The following PDE1A variants were observed in gnomAD, a reference collection of about 807,000 sequenced individuals.
The protein encoded by PDE1A is dual specificity calcium/calmodulin-dependent 3',5'-cyclic nucleotide phosphodiesterase 1A.
A neutral mutation model predicts 61.7 loss-of-function variants in PDE1A; 35 were observed. That is an observed-to-expected ratio of 0.57 (90% CI 0.43 to 0.75). PDE1A has a LOEUF of 0.75. Ranked by LOEUF, PDE1A falls within the 30% of genes least tolerant of loss-of-function variation. The pLI is 0.00. For missense variants in PDE1A, 597 were observed against 630.6 expected (o/e 0.95, Z 0.57); for synonymous variants, 232 against 213.2 (o/e 1.09, Z -0.77).
intron 1 of PDE1A, among the ~76,000 whole-genome samples, chr2:182,357,362 G>A (rs992479710): frequency 2.0e-5 from 3 of 152,002 alleles, no homozygotes; most frequent in East Asian, 1.9e-4. Flanking sequence ...GTCTGAACAC[G>A]TAGATGACAT....
the PDE1A span, among the ~76,000 whole-genome samples, chr2:182,655,407 A>C: frequency 6.6e-6 from 1 of 152,266 alleles, no homozygotes; most frequent in Non-Finnish European, 1.5e-5. Flanking sequence ...CCAAGTCAAT[A>C]AACTCTCCAC....
chr2:182,346,808 G>T (rs758608239), intron 1 of PDE1A, among the ~76,000 whole-genome samples: 8 of 152,050 alleles, frequency 5.3e-5, no homozygotes, highest in Non-Finnish European at 1.2e-4. Flanking sequence ...GGGTTTAAAT[G>T]ACAATCCTAT....
chr2:182,183,449 G>A (rs867687260), intron 13 of PDE1A, among the ~76,000 whole-genome samples: 12 of 152,268 alleles, frequency 7.9e-5, no homozygotes, highest in Middle Eastern at 3.4e-3. Context: ...GGAAGCAAAA[G>A]CCAACTTTCC....
intron 2 of PDE1A, among the ~76,000 whole-genome samples, chr2:182,477,618 A>C (rs945616940): frequency 1.3e-5 from 2 of 151,906 alleles, no homozygotes; most frequent in East Asian, 3.9e-4. Context: ...GTTGAAGGTT[A>C]ACTGGCATTT....
chr2:182,270,508 T>A (rs539226306), intron 1 of PDE1A, among the ~76,000 whole-genome samples: 9 of 151,994 alleles, frequency 5.9e-5, no homozygotes, highest in Non-Finnish European at 1.2e-4. Flanking sequence ...AATTTTAGGA[T>A]ACAAAATACC....
intron 2 of PDE1A, among the ~76,000 whole-genome samples, chr2:182,242,509 A>T (rs1472353161): frequency 1.3e-5 from 2 of 152,194 alleles, no homozygotes; most frequent in South Asian, 2.1e-4. Context: ...GTTTAATTTT[A>T]TGTGTCACCA....
At chr2:182,457,350 T>C (rs1449786212) in intron 2 of PDE1A, among the ~76,000 whole-genome samples, 1 of 143,402 alleles carries the variant, frequency 7.0e-6, no homozygotes, top group African/African-American at 2.6e-5. Context: ...TCATATATGT[T>C]TATATTAAGC....
the PDE1A span, among the ~76,000 whole-genome samples, chr2:182,628,704 T>A: frequency 6.6e-6 from 1 of 152,188 alleles, no homozygotes; most frequent in Non-Finnish European, 1.5e-5. Flanking sequence ...TAGATGTAAT[T>A]TTATGTAATA....
At chr2:182,171,718 T>C (rs1306527699) in intron 13 of PDE1A, among the ~76,000 whole-genome samples, 1 of 151,424 alleles carries the variant, frequency 6.6e-6, no homozygotes, top group Non-Finnish European at 1.5e-5. Context: ...GCATTACACA[T>C]GAACCCAGTC....
At chr2:182,588,573 A>C in the PDE1A span, among the ~76,000 whole-genome samples, 3 of 152,158 alleles carry the variant, frequency 2.0e-5, no homozygotes, top group Non-Finnish European at 4.4e-5. Context: ...CCTTTTTCAT[A>C]TTATCTGTCA....
intron 7 of PDE1A, among the ~76,000 whole-genome samples, chr2:182,207,731 A>G (rs1004191774): frequency 5.3e-5 from 8 of 152,234 alleles, no homozygotes; most frequent in African/African-American, 1.9e-4. Context: ...AGAGACCTTC[A>G]TGGCAGCCCC....
chr2:182,648,883 T>C, the PDE1A span, among the ~76,000 whole-genome samples: 1 of 152,186 alleles, frequency 6.6e-6, no homozygotes, highest in Non-Finnish European at 1.5e-5. Context: ...TTATAGATGT[T>C]ATTATCAGAG....
Position 182,180,766 on chromosome 2 carries a change from C to T in PDE1A, c.1516+5126G>A, listed in dbSNP as rs111311351. Among the ~76,000 whole-genome samples the T allele has an allele frequency of 7.3e-3, 1,106 of 151,816 alleles. 12 individuals carry two copies. Among genetic ancestry groups the T allele is most frequent in the African/African-American group, 0.024 (1,007 of 41,400 alleles). On this transcript the variant is annotated intron_variant, in intron 13 of 13. Transcript: ENST00000351439. The stretch of plus-strand genomic sequence containing the variant: ...TATCTTCACATAGTCCCACATTTCT[C>T]GGAGGTTTTGTTCATTCCTTTTCAT...
At chr2:182,219,315 C>A (rs997588188) in intron 7 of PDE1A, among the ~76,000 whole-genome samples, 1 of 151,982 alleles carries the variant, frequency 6.6e-6, no homozygotes. Context: ...AATTGGTATA[C>A]TTCAAGTTGC....
intron 2 of PDE1A, chr2:182,522,245 G>A: frequency 6.4e-7 from 1 of 1,562,680 alleles, no homozygotes; most frequent in African/African-American, 1.4e-5. Context: ...AAATCTTTTG[G>A]GGGGAAATAA....
chr2:182,373,739 T>G (rs1417206744), intron 1 of PDE1A, among the ~76,000 whole-genome samples: 1 of 152,292 alleles, frequency 6.6e-6, no homozygotes, highest in African/African-American at 2.4e-5. Flanking sequence ...ATATTTTTTT[T>G]CACATGAGCT....
rs770323096 is a variant in PDE1A at position 182,229,624 on chromosome 2, C to T, written c.675+382G>A. ...AGTAATATGAGTAAGAGAGCAAAAGCGACTAAGGTCAGGTTAGGAGCACAT... is the reference window on the plus strand; with the variant it reads ...AGTAATATGAGTAAGAGAGCAAAAGTGACTAAGGTCAGGTTAGGAGCACAT... On this transcript the variant is annotated intron_variant, in intron 6 of 13. Coordinates refer to ENST00000351439, the Ensembl canonical transcript of PDE1A. 2.0e-4 allele frequency among the ~76,000 whole-genome samples: 30 copies of T among 152,016 alleles called. 1 individual carries two copies. Among genetic ancestry groups the T allele is most frequent in the Admixed American group, 1.9e-3 (29 of 15,244 alleles).
At chr2:182,242,885 TCTCTCTCTCTCTCC>T (rs1305589431) in intron 2 of PDE1A, among the ~76,000 whole-genome samples, 12 of 71,448 alleles carry the variant, frequency 1.7e-4, no homozygotes, top group Admixed American at 3.4e-4. Flanking sequence ...CTCTCCTCCC[TCTCTCTCTCTCTCC>T]CTCTCTCTCT....
the PDE1A span, among the ~76,000 whole-genome samples, chr2:182,711,829 T>C: frequency 1.3e-5 from 2 of 152,126 alleles, no homozygotes; most frequent in Admixed American, 6.5e-5. Flanking sequence ...TTTTAACCCA[T>C]AGAATAAAAA....
Sources: gnomAD v4.1 joint callset for allele counts (sites outside exome capture counted in the v4.1 genomes callset) on GRCh38, gnomAD v4.1.1 for gene constraint, MANE v1.5 for transcripts, NCBI Gene and HGNC (gene_info 2026-07-23, HGNC 2026-07-21) for gene names.